CFAP61: variants seen among roughly 807,000 people sequenced by gnomAD.
The protein encoded by CFAP61 is cilia- and flagella-associated protein 61.
A neutral mutation model predicts 135.6 loss-of-function variants in CFAP61; 107 were observed. The observed-to-expected ratio is 0.79, with a 90% CI of 0.67 to 0.93. CFAP61 has a LOEUF of 0.93. Among genes scored for constraint, CFAP61 ranks in the 40% least tolerant of loss-of-function variants. The pLI, the probability that CFAP61 is intolerant of heterozygous loss-of-function variation, is 0.00. For missense variants in CFAP61, 1,507 were observed against 1,556.2 expected, an observed-to-expected ratio of 0.97 and a Z score of 0.53; for synonymous variants, 575 against 578.5, an observed-to-expected ratio of 0.99 and a Z score of 0.09.
intron 25 of CFAP61, among the ~76,000 whole-genome samples, chr20:20,337,803 C>T (rs1223368866): frequency 6.6e-6 from 1 of 152,098 alleles, no homozygotes; most frequent in Non-Finnish European, 1.5e-5. Context: ...TCACCCAGAC[C>T]TCTTGCCAGG....
At chr20:20,262,805 T>G (rs201078237) in intron 20 of CFAP61, 151 bp from the exon 21 acceptor site, 8 of 80,004 alleles carry the variant, frequency 1.0e-4, no homozygotes, top group East Asian at 2.6e-3. Flanking sequence ...TGTTTTTGTG[T>G]TTTTTTTTTT....
intron 15 of CFAP61, among the ~76,000 whole-genome samples, chr20:20,195,628 T>C (rs1418237308): frequency 3.9e-5 from 6 of 152,160 alleles, no homozygotes; most frequent in African/African-American, 1.4e-4. Context: ...GTGCCTGATA[T>C]TTCCTTTACA....
rs1446360409 is a variant in CFAP61, at chr20:20,127,723, C to T, written c.860-15134C>T. ...TATTTTTGTGTTGGTTGGCCTCCTGCCAGGTGGTGGATGGGGCCCTAGAAC... is the reference window on the plus strand; with the variant it reads ...TATTTTTGTGTTGGTTGGCCTCCTGTCAGGTGGTGGATGGGGCCCTAGAAC... On this transcript the variant is annotated intron_variant, in intron 8 of 26. Coordinates refer to ENST00000245957, the MANE Select transcript of CFAP61 (RefSeq NM_015585.4). 3.3e-5 allele frequency among the ~76,000 whole-genome samples: 5 copies of T among 151,470 alleles called. 1 individual carries two copies. Among genetic ancestry groups the T allele is most frequent in the African/African-American group, 1.2e-4 (5 of 40,926 alleles).
intron 18 of CFAP61, among the ~76,000 whole-genome samples, chr20:20,229,843 A>C (rs963223736): frequency 3.3e-5 from 5 of 152,204 alleles, no homozygotes; most frequent in African/African-American, 1.2e-4. Context: ...GCAATATTTC[A>C]CTGCAAGCAT....
chr20:20,253,861 T>C (rs749938318), intron 20 of CFAP61: 8 of 178,664 alleles, frequency 4.5e-5, no homozygotes, highest in Non-Finnish European at 8.2e-5. Context: ...AGGAAGATGT[T>C]ACATTTCTAA....
chr20:20,233,191 C>A (rs999688028), intron 18 of CFAP61, among the ~76,000 whole-genome samples: 1 of 152,218 alleles, frequency 6.6e-6, no homozygotes, highest in Non-Finnish European at 1.5e-5. Context: ...CTAGCGCTGG[C>A]GGCTTAATTA....
chr20:20,172,830 T>C (rs2054323589), intron 13 of CFAP61, among the ~76,000 whole-genome samples: 1 of 152,210 alleles, frequency 6.6e-6, no homozygotes, highest in African/African-American at 2.4e-5. Flanking sequence ...GGTTCGCTGT[T>C]GGTGTTGTAC....
rs201849535 is a variant in CFAP61, at chr20:20,199,778, C to G, written c.1808C>G (p.Pro603Arg). The change falls in exon 17 of 27, where the codon CCC becomes CGC. Residue 603 changes from proline (P) to arginine (R), a missense_variant. Transcript: ENST00000245957. ...ATTGCTGTCTTTCAGTTCCAGAACC[C>G]CTACGCCCACTCCCTGACATCTGCC... ...PKSREGKFQN[P>R]YAHSLTSALH... 1.2e-4 allele frequency: 190 copies of G among 1,613,988 alleles called. No individual in the cohort carries two copies. Among genetic ancestry groups the G allele is most frequent in the Non-Finnish European group, 1.6e-4 (183 of 1,180,012 alleles).
At chr20:20,222,378 C>G (rs1403774224) in intron 17 of CFAP61, among the ~76,000 whole-genome samples, 10 of 152,174 alleles carry the variant, frequency 6.6e-5, no homozygotes, top group African/African-American at 2.4e-4. Context: ...ATGGCCCACT[C>G]TTTGACCCCT....
At chr20:20,202,659 A>C (rs1224606878) in intron 17 of CFAP61, among the ~76,000 whole-genome samples, 1 of 152,204 alleles carries the variant, frequency 6.6e-6, no homozygotes, top group Non-Finnish European at 1.5e-5. Flanking sequence ...TTGTTTTCTT[A>C]GTAGAGCAAT....
intron 3 of CFAP61, among the ~76,000 whole-genome samples, chr20:20,073,336 A>G (rs2045850759): frequency 6.6e-6 from 1 of 152,222 alleles, no homozygotes; most frequent in Non-Finnish European, 1.5e-5. Context: ...GAATCAAAAC[A>G]TGGTTTTCCT....
intron 25 of CFAP61, 75 bp downstream of exon 25, chr20:20,298,461 T>G (rs2122130678): frequency 7.6e-7 from 1 of 1,316,432 alleles, no homozygotes; most frequent in African/African-American, 1.5e-5. Flanking sequence ...GGACATGTGT[T>G]GTGATGCACC....
chr20:20,360,598 G>C lies in CFAP61; in HGVS notation c.*188G>C. 6.7e-6 allele frequency: 4 copies of C among 595,996 alleles called. No homozygotes were observed. Among genetic ancestry groups the C allele is most frequent in the Non-Finnish European group, 1.2e-5 (4 of 338,462 alleles). 36.9% of individuals were successfully genotyped at this position (595,996 alleles called of 1,614,324 possible). A position where few individuals can be genotyped will look rare whatever the true frequency, so the allele number is the denominator to read the frequency against. ...TCATCCCAGTAGGTGGCACACGGCC[G>C]TGTGCCTCTCTTCTGGGGCAGGCTC... is the stretch of plus-strand genomic sequence containing the variant. On this transcript the variant is annotated 3_prime_UTR_variant, in exon 27 of 27. Transcript: ENST00000245957.
chr20:20,072,194 A>G (rs746460410), intron 3 of CFAP61, among the ~76,000 whole-genome samples: 2 of 133,278 alleles, frequency 1.5e-5, no homozygotes, highest in Non-Finnish European at 3.1e-5. Context: ...GGCTTACTGC[A>G]AGCTCTGCCT....
intron 25 of CFAP61, 134 bp downstream of exon 25, chr20:20,298,520 G>A (rs750982342): frequency 2.4e-5 from 18 of 746,882 alleles, no homozygotes; most frequent in Admixed American, 7.1e-5. Context: ...CAGAGATTTC[G>A]TTCTAATGAA....
At chr20:20,080,772 G>A (rs1297950181) in intron 6 of CFAP61, among the ~76,000 whole-genome samples, 1 of 152,160 alleles carries the variant, frequency 6.6e-6, no homozygotes, top group Non-Finnish European at 1.5e-5. Flanking sequence ...GGGAGGCTGA[G>A]GCAGGCAGAT....
chr20:20,081,087 A>C (rs1305994748), intron 6 of CFAP61, among the ~76,000 whole-genome samples: 6 of 152,136 alleles, frequency 3.9e-5, no homozygotes, highest in Admixed American at 3.9e-4. Flanking sequence ...AATCTGTGAG[A>C]GTTTGAGTGC....
intron 7 of CFAP61, among the ~76,000 whole-genome samples, chr20:20,095,408 A>G (rs1027130039): frequency 3.9e-5 from 6 of 152,248 alleles, no homozygotes; most frequent in African/African-American, 7.2e-5. Flanking sequence ...CTGAACAGCC[A>G]TGGCAGTTCC....
chr20:20,241,223 C>A (rs1446050299), intron 18 of CFAP61, among the ~76,000 whole-genome samples: 1 of 151,948 alleles, frequency 6.6e-6, no homozygotes, highest in African/African-American at 2.4e-5. Context: ...GTGACCAGTC[C>A]CCATTTTCTT....
Sources: gnomAD v4.1 joint callset for allele counts (sites outside exome capture counted in the v4.1 genomes callset) on GRCh38, gnomAD v4.1.1 for gene constraint, MANE v1.5 for transcripts, NCBI Gene and HGNC (gene_info 2026-07-23, HGNC 2026-07-21) for gene names.